Variants in LIPK observed in about 807,000 individuals in gnomAD.
The protein encoded by LIPK is lipase member K.
LIPK carries 32 observed loss-of-function variants against 48.6 expected under a neutral mutation model. That is an observed-to-expected ratio of 0.66 (90% CI 0.50 to 0.88). The LOEUF (loss-of-function observed/expected upper bound fraction) is 0.88, where lower values mean the gene tolerates loss of function less well. LIPK is among the 40% of genes least tolerant of loss of function. The probability of loss-of-function intolerance (pLI) is 0.00; values close to 1 mark genes in which losing one functional copy is unlikely to be tolerated. For synonymous variants in LIPK, 164 were observed against 157.4 expected (o/e 1.04, Z -0.32); for missense variants, 507 against 478.5 (o/e 1.06, Z -0.56).
chr10:88,744,157 G>C (rs1590159846), intron 9 of LIPK, among the ~76,000 whole-genome samples: 1 of 152,200 alleles, frequency 6.6e-6, no homozygotes, highest in South Asian at 2.1e-4. Context: ...CTTTCTCAGG[G>C]TTCCTGCCTG....
At chr10:88,720,581 T>G (rs190875630) in intron 1 of LIPK, among the ~76,000 whole-genome samples, 1 of 152,276 alleles carries the variant, frequency 6.6e-6, no homozygotes, top group Admixed American at 6.5e-5. Context: ...GAGTCTTGAC[T>G]GCAGGACTAT....
intron 2 of LIPK, among the ~76,000 whole-genome samples, chr10:88,725,570 T>A (rs1842321204): frequency 6.6e-6 from 1 of 152,256 alleles, no homozygotes; most frequent in Admixed American, 6.5e-5. Context: ...GATTAAGGCA[T>A]AAGCTTTGGA....
intron 2 of LIPK, among the ~76,000 whole-genome samples, chr10:88,726,520 A>G (rs1002641958): frequency 7.9e-5 from 12 of 152,140 alleles, no homozygotes; most frequent in African/African-American, 1.2e-4. Context: ...GTGAAACCCC[A>G]TCTCTACAAA....
At chr10:88,737,522 C>T in intron 6 of LIPK, 113 bp from the exon 7 acceptor site, 1 of 1,048,428 alleles carries the variant, frequency 9.5e-7, no homozygotes, top group Non-Finnish European at 1.4e-6. Context: ...CACTAAGGAC[C>T]AACACTGAGC....
intron 1 of LIPK, among the ~76,000 whole-genome samples, chr10:88,709,810 G>C (rs889849563): frequency 2.4e-4 from 36 of 151,960 alleles, no homozygotes; most frequent in African/African-American, 8.2e-4. Flanking sequence ...AATTCACATC[G>C]TAAGATTCAG....
intron 1 of LIPK, among the ~76,000 whole-genome samples, chr10:88,722,660 G>C (rs1842250261): frequency 1.3e-5 from 2 of 152,246 alleles, no homozygotes; most frequent in Middle Eastern, 3.4e-3. Flanking sequence ...TAGACACACA[G>C]AAGCCAGAGG....
At chr10:88,733,098 A>C (rs1842501207) in intron 6 of LIPK, among the ~76,000 whole-genome samples, 1 of 152,238 alleles carries the variant, frequency 6.6e-6, no homozygotes, top group Non-Finnish European at 1.5e-5. Flanking sequence ...TAAACCTTTA[A>C]TAAATGTTAA....
At chr10:88,724,128 T>A (rs1842287119) in intron 1 of LIPK, among the ~76,000 whole-genome samples, 1 of 152,206 alleles carries the variant, frequency 6.6e-6, no homozygotes, top group African/African-American at 2.4e-5. Flanking sequence ...ATAAAGGTTT[T>A]GCCAATGATT....
intron 9 of LIPK, among the ~76,000 whole-genome samples, chr10:88,749,149 T>C (rs914448329): frequency 3.9e-5 from 6 of 152,172 alleles, no homozygotes; most frequent in Non-Finnish European, 2.9e-5. Context: ...ACATTCCATG[T>C]TCATGGATAG....
chr10:88,741,391 A>G (rs750683356), intron 8 of LIPK, among the ~76,000 whole-genome samples: 1 of 151,976 alleles, frequency 6.6e-6, no homozygotes, highest in Non-Finnish European at 1.5e-5. Flanking sequence ...TGCCCAGATA[A>G]CGTTTGTTTC....
At chr10:88,720,269 T>C (rs1003116135) in intron 1 of LIPK, among the ~76,000 whole-genome samples, 1 of 152,178 alleles carries the variant, frequency 6.6e-6, no homozygotes, top group Non-Finnish European at 1.5e-5. Flanking sequence ...CTTCATTATA[T>C]AGATTTTTTT....
chr10:88,728,741 G>A (rs1446421983), intron 3 of LIPK: 3 of 274,106 alleles, frequency 1.1e-5, no homozygotes, highest in Middle Eastern at 1.5e-3. Flanking sequence ...GGCTGGGCTC[G>A]GCCTCACAAG....
chr10:88,711,937 A>G (rs1005799264), intron 1 of LIPK, among the ~76,000 whole-genome samples: 1 of 152,080 alleles, frequency 6.6e-6, no homozygotes, highest in Admixed American at 6.5e-5. Context: ...TAGATTTGCA[A>G]TCTGAGGTAT....
At chr10:88,747,242 ACTCTT>A (rs1842781818) in intron 9 of LIPK, among the ~76,000 whole-genome samples, 1 of 152,126 alleles carries the variant, frequency 6.6e-6, no homozygotes, top group Non-Finnish European at 1.5e-5. Flanking sequence ...AGGAGGAGGG[ACTCTT>A]CTCTAACTCA....
chr10:88,750,664 G>A (rs1389589357), intron 9 of LIPK, among the ~76,000 whole-genome samples: 1 of 152,154 alleles, frequency 6.6e-6, no homozygotes, highest in Non-Finnish European at 1.5e-5. Context: ...TGGAGGCTGG[G>A]AGGAGAGTGA....
intron 1 of LIPK, among the ~76,000 whole-genome samples, chr10:88,708,092 G>A (rs1055762944): frequency 6.6e-6 from 1 of 152,072 alleles, no homozygotes; most frequent in Non-Finnish European, 1.5e-5. Context: ...CATTTGTATG[G>A]CTGCCAAGAA....
chr10:88,727,687 G>T, intron 3 of LIPK: 1 of 182,102 alleles, frequency 5.5e-6, no homozygotes, highest in Non-Finnish European at 1.2e-5. Context: ...GTCTGGGTGA[G>T]GTCTATGCTG....
At chr10:88,739,169 C>T (rs1564568173) in intron 7 of LIPK, among the ~76,000 whole-genome samples, 3 of 145,094 alleles carry the variant, frequency 2.1e-5, no homozygotes, top group African/African-American at 7.4e-5. Context: ...TCTAAATATA[C>T]CGACTGAATT....
At chr10:88,730,188 TAA>T (rs1278001725) in intron 3 of LIPK, among the ~76,000 whole-genome samples, 1 of 152,240 alleles carries the variant, frequency 6.6e-6, no homozygotes, top group Non-Finnish European at 1.5e-5. Flanking sequence ...GAAAAAAATT[TAA>T]GTTTTTAATC....
Sources: allele counts gnomAD v4.1 joint callset (sites outside exome capture counted in the v4.1 genomes callset), GRCh38; gene constraint gnomAD v4.1.1; transcripts MANE v1.5; gene names NCBI Gene and HGNC (gene_info 2026-07-23, HGNC 2026-07-21).